The following PLEKHA5 variants were observed in gnomAD, a reference collection of about 807,000 sequenced individuals.
PLEKHA5 encodes the protein pleckstrin homology domain-containing family A member 5.
In PLEKHA5, 55 loss-of-function variants were observed where a neutral mutation model predicts 181.9. The ratio of observed to expected loss-of-function variants is 0.30; its 90% CI spans 0.24 to 0.38. The LOEUF (loss-of-function observed/expected upper bound fraction) is 0.38, where lower values mean the gene tolerates loss of function less well. Among genes scored for constraint, PLEKHA5 ranks in the 10% least tolerant of loss-of-function variants. The pLI is 1.00. For missense variants in PLEKHA5, 1,432 were observed against 1,549.5 expected (o/e 0.92, Z 1.27); for synonymous variants, 535 against 529.4 (o/e 1.01, Z -0.15).
chr12:19,331,520 A>G (rs2092829807), intron 20 of PLEKHA5, among the ~76,000 whole-genome samples: 1 of 152,122 alleles, frequency 6.6e-6, no homozygotes, highest in African/African-American at 2.4e-5. Context: ...TCCTTTCTTA[A>G]TAAAGGACAT....
intron 15 of PLEKHA5, among the ~76,000 whole-genome samples, chr12:19,299,611 G>A (rs189731470): frequency 3.9e-5 from 6 of 152,260 alleles, no homozygotes; most frequent in Non-Finnish European, 8.8e-5. Flanking sequence ...TAATAAGTTT[G>A]TTAACTGTAA....
chr12:19,286,368 T>TA (rs1194930987), intron 12 of PLEKHA5, among the ~76,000 whole-genome samples: 1 of 152,220 alleles, frequency 6.6e-6, no homozygotes, highest in Non-Finnish European at 1.5e-5. Flanking sequence ...CTTTAAAAAA[T>TA]ATCAGTTTTT....
chr12:19,321,666 C>G (rs1309798989), intron 18 of PLEKHA5: 1 of 151,670 alleles, frequency 6.6e-6, no homozygotes, highest in Non-Finnish European at 1.5e-5. Flanking sequence ...GCCACCGAGC[C>G]CAGCCCCCTA....
chr12:19,165,892 T>G (rs1487095641), intron 3 of PLEKHA5, among the ~76,000 whole-genome samples: 2 of 152,156 alleles, frequency 1.3e-5, no homozygotes, highest in Non-Finnish European at 2.9e-5. Context: ...TGTCAGTAGG[T>G]TCTTAGAAAC....
intron 15 of PLEKHA5, among the ~76,000 whole-genome samples, chr12:19,292,309 G>A (rs1185294237): frequency 6.6e-6 from 1 of 152,204 alleles, no homozygotes; most frequent in East Asian, 1.9e-4. Context: ...GGGAGGCTGA[G>A]GCATGAGAAT....
intron 3 of PLEKHA5, among the ~76,000 whole-genome samples, chr12:19,173,751 C>G (rs2046550221): frequency 6.6e-6 from 1 of 152,158 alleles, no homozygotes; most frequent in Admixed American, 6.5e-5. Flanking sequence ...TTAACTTTAT[C>G]ATTTAAAAAG....
intron 3 of PLEKHA5, among the ~76,000 whole-genome samples, chr12:19,252,600 T>C (rs796154866): frequency 3.9e-5 from 6 of 152,252 alleles, no homozygotes; most frequent in African/African-American, 1.4e-4. Flanking sequence ...AACATCTTTT[T>C]CTCCAAAAAT....
chr12:19,334,858 A>ATATATATATC (rs2093253310), intron 20 of PLEKHA5, among the ~76,000 whole-genome samples: 1 of 65,654 alleles, frequency 1.5e-5, no homozygotes, highest in Non-Finnish European at 3.5e-5. Context: ...ATATATATAT[A>ATATATATATC]TATATATATA....
Position 19,130,550 on chromosome 12 carries a change from C to T in PLEKHA5, c.169+420C>T, listed in dbSNP as rs2033341496. Among the ~76,000 whole-genome samples the T allele has an allele frequency of 6.6e-6, 1 of 151,986 alleles. No homozygotes were observed. Among genetic ancestry groups the T allele is most frequent in the Non-Finnish European group, 1.5e-5 (1 of 67,974 alleles). Reference sequence around the variant, plus strand: ...ATCTTCAGGCAGTCCTTACCCACTCCCCTCCCTGCAGCCCCGGACCCCGAT... The same window carrying T: ...ATCTTCAGGCAGTCCTTACCCACTCTCCTCCCTGCAGCCCCGGACCCCGAT... On this transcript the variant is annotated intron_variant, in intron 2 of 31. Transcript: ENST00000429027. This position sits in a 1 kb window ranked among gnomAD's most constrained non-coding sequence, Gnocchi z 4.5.
In PLEKHA5 at chr12:19,283,741, C is replaced by G. The variant is rs764977551; in HGVS notation, c.1775C>G (p.Pro592Arg). 6.2e-7 allele frequency: 1 copy of G among 1,603,910 alleles called. No individual in the cohort carries two copies. Among genetic ancestry groups the G allele is most frequent in the East Asian group, 2.2e-5 (1 of 44,796 alleles). The change falls in exon 12 of 32, where the codon CCT becomes CGT. Residue 592 changes from proline to arginine, a missense_variant. This residue lies in a region of PLEKHA5 where 1,143 missense variants were observed against 1,168.4 expected (regional missense o/e 0.98). Coordinates refer to ENST00000429027, the MANE Select transcript of PLEKHA5 (RefSeq NM_001256470.2). ...GACCGCAGACACAGGGCCCATCACC[C>G]TAAGGTAAAATAGCTGCTGATTTTG... ...TIDRRHRAHH[P>R]KHVYVPDRRS...
intron 3 of PLEKHA5, among the ~76,000 whole-genome samples, chr12:19,191,372 A>T (rs1288034259): frequency 6.6e-6 from 1 of 152,186 alleles, no homozygotes; most frequent in African/African-American, 2.4e-5. Flanking sequence ...CCTGACACAC[A>T]GCTTCCCACA....
At chr12:19,352,771 A>G (rs1432753108) in intron 25 of PLEKHA5, among the ~76,000 whole-genome samples, 1 of 151,554 alleles carries the variant, frequency 6.6e-6, no homozygotes, top group Non-Finnish European at 1.5e-5. Context: ...TAATCTGTAC[A>G]ATTTTTTCTT....
chr12:19,250,538 G>A (rs1380622021), intron 3 of PLEKHA5, among the ~76,000 whole-genome samples: 1 of 152,028 alleles, frequency 6.6e-6, no homozygotes, highest in African/African-American at 2.4e-5. Flanking sequence ...AGCTGAGATT[G>A]TGCCATTGCA....
intron 3 of PLEKHA5, among the ~76,000 whole-genome samples, chr12:19,218,906 ATTT>A (rs34616084): frequency 1.3e-3 from 169 of 132,860 alleles, no homozygotes; most frequent in African/African-American, 5.2e-3. Context: ...TATTATTATT[ATTT>A]TTTTTTTTAC....
chr12:19,351,213 G>A (rs1323289415), intron 25 of PLEKHA5, among the ~76,000 whole-genome samples: 1 of 151,942 alleles, frequency 6.6e-6, no homozygotes, highest in African/African-American at 2.4e-5. Context: ...TGGGATTACA[G>A]GCGTGAGCCA....
intron 29 of PLEKHA5, among the ~76,000 whole-genome samples, chr12:19,363,215 C>T (rs1280923529): frequency 6.6e-6 from 1 of 151,354 alleles, no homozygotes; most frequent in African/African-American, 2.4e-5. Flanking sequence ...GTCCACTGCA[C>T]TCGGTTCCCG....
chr12:19,318,736 A>G (rs1162852133), intron 16 of PLEKHA5, among the ~76,000 whole-genome samples: 3 of 152,172 alleles, frequency 2.0e-5, no homozygotes, highest in African/African-American at 7.2e-5. Context: ...CAGCCTGGCC[A>G]ACATGGTGAA....
intron 26 of PLEKHA5, among the ~76,000 whole-genome samples, chr12:19,355,894 C>T (rs2094898959): frequency 6.6e-6 from 1 of 151,982 alleles, no homozygotes; most frequent in Non-Finnish European, 1.5e-5. Flanking sequence ...GGTGCTGTAG[C>T]TTACACCTGT....
At chr12:19,212,304 G>A (rs1276145316) in intron 3 of PLEKHA5, among the ~76,000 whole-genome samples, 1 of 152,096 alleles carries the variant, frequency 6.6e-6, no homozygotes, top group African/African-American at 2.4e-5. Context: ...TAAACATGGG[G>A]CAGCTATCAA....
Sources: allele counts gnomAD v4.1 joint callset (sites outside exome capture counted in the v4.1 genomes callset), GRCh38; gene constraint gnomAD v4.1.1; regional missense constraint gnomAD v4.1.1; non-coding constraint Gnocchi (gnomAD v3.1); transcripts MANE v1.5; gene names NCBI Gene and HGNC (gene_info 2026-07-23, HGNC 2026-07-21).